The following COL5A2 variants were observed in gnomAD, a reference collection of about 807,000 sequenced individuals.
The protein encoded by COL5A2 is collagen type V alpha 2 chain.
In COL5A2, 23 loss-of-function variants were observed where a neutral mutation model predicts 208.2. The observed-to-expected ratio is 0.11, with a 90% CI of 0.08 to 0.16. COL5A2 has a LOEUF of 0.16. Ranked by LOEUF, COL5A2 falls within the 10% of genes least tolerant of loss-of-function variation. COL5A2 has a pLI of 1.00. For missense variants in COL5A2, 1,590 were observed against 1,956.4 expected, an observed-to-expected ratio of 0.81 and a Z score of 3.53; for synonymous variants, 625 against 628.5, an observed-to-expected ratio of 0.99 and a Z score of 0.08.
intron 51 of COL5A2, among the ~76,000 whole-genome samples, chr2:189,038,196 C>T (rs560523569): frequency 2.0e-5 from 3 of 152,112 alleles, no homozygotes; most frequent in Non-Finnish European, 2.9e-5. Context: ...CACCCTCCCC[C>T]CTGTAGTAGC....
chr2:189,331,046 G>A, the COL5A2 span, among the ~76,000 whole-genome samples: 40 of 152,030 alleles, frequency 2.6e-4, no homozygotes, highest in East Asian at 9.7e-4. Flanking sequence ...ATGAGATTGC[G>A]AAAAATGTGT....
chr2:189,064,430 C>G, intron 25 of COL5A2, 127 bp downstream of exon 25: 1 of 718,064 alleles, frequency 1.4e-6, no homozygotes, highest in Non-Finnish European at 2.4e-6. Context: ...GGATCAAAAC[C>G]ATAAAAACAA....
chr2:189,145,628 T>C (rs1490830766), intron 1 of COL5A2, among the ~76,000 whole-genome samples: 1 of 152,000 alleles, frequency 6.6e-6, no homozygotes, highest in African/African-American at 2.4e-5. Context: ...CTATGGCCAA[T>C]TAATGAGCTG....
At chr2:189,060,604 A>G in intron 31 of COL5A2, 126 bp downstream of exon 31, 1 of 785,320 alleles carries the variant, frequency 1.3e-6, no homozygotes. Context: ...CCTAGTACAT[A>G]GGGCTGCTTT....
At chr2:189,414,617 G>A in the COL5A2 span, among the ~76,000 whole-genome samples, 5 of 151,920 alleles carry the variant, frequency 3.3e-5, no homozygotes, top group Admixed American at 3.3e-4. Context: ...AAGTGCGGTG[G>A]CATGCGCCTA....
the COL5A2 span, among the ~76,000 whole-genome samples, chr2:189,239,941 G>T: frequency 1.3e-5 from 2 of 152,012 alleles, no homozygotes; most frequent in African/African-American, 4.8e-5. Flanking sequence ...ACACATTTCA[G>T]ACTTCTTCCT....
At chr2:189,438,792 T>C in the COL5A2 span, among the ~76,000 whole-genome samples, 3 of 152,200 alleles carry the variant, frequency 2.0e-5, no homozygotes, top group Non-Finnish European at 4.4e-5. Context: ...CAGATTTTAT[T>C]GTATGTAAAT....
intron 17 of COL5A2, among the ~76,000 whole-genome samples, chr2:189,074,101 C>A (rs1185769839): frequency 6.6e-6 from 1 of 152,112 alleles, no homozygotes; most frequent in Non-Finnish European, 1.5e-5. Context: ...TTATAATTTA[C>A]ATTTGATTCT....
intron 1 of COL5A2, among the ~76,000 whole-genome samples, chr2:189,153,892 G>A (rs1404454997): frequency 3.3e-5 from 5 of 151,936 alleles, no homozygotes; most frequent in Admixed American, 2.6e-4. Context: ...CTGGTAAGAC[G>A]CATTTTCCTT....
the COL5A2 span, among the ~76,000 whole-genome samples, chr2:189,296,318 T>C: frequency 1.3e-5 from 2 of 152,330 alleles, no homozygotes; most frequent in East Asian, 3.9e-4. Flanking sequence ...AATTCTCAAA[T>C]TCCGTATCTC....
the COL5A2 span, among the ~76,000 whole-genome samples, chr2:189,260,028 A>G: frequency 6.6e-6 from 1 of 152,216 alleles, no homozygotes; most frequent in African/African-American, 2.4e-5. Context: ...GGAAGAAAGG[A>G]AAATGTTTAT....
intron 1 of COL5A2, among the ~76,000 whole-genome samples, chr2:189,209,740 G>A (rs1164772485): frequency 2.0e-5 from 3 of 152,222 alleles, no homozygotes; most frequent in Non-Finnish European, 2.9e-5. Flanking sequence ...AATTTTGGCT[G>A]AGTAGATGAT....
At chr2:189,086,665 G>T in intron 9 of COL5A2, 61 bp downstream of exon 9, 1 of 1,313,748 alleles carries the variant, frequency 7.6e-7, no homozygotes, top group African/African-American at 1.5e-5. Context: ...GAGACCTTAT[G>T]TAATATATGT....
chr2:189,191,146 A>AAC (rs1421150787), intron 1 of COL5A2, among the ~76,000 whole-genome samples: 2 of 65,544 alleles, frequency 3.1e-5, no homozygotes, highest in Non-Finnish European at 1.1e-4. Flanking sequence ...ACCATAAAAA[A>AAC]AAAAACAAAA....
At chr2:189,272,400 A>C in the COL5A2 span, among the ~76,000 whole-genome samples, 1 of 151,968 alleles carries the variant, frequency 6.6e-6, no homozygotes, top group East Asian at 1.9e-4. Context: ...TCTCATCAAG[A>C]TAACAGAGGA....
At chr2:189,355,576 G>T in the COL5A2 span, among the ~76,000 whole-genome samples, 1 of 152,024 alleles carries the variant, frequency 6.6e-6, no homozygotes, top group African/African-American at 2.4e-5. Context: ...TTTAAAGTCT[G>T]TTTTATCAGA....
At chr2:189,334,255 T>G in the COL5A2 span, among the ~76,000 whole-genome samples, 15 of 151,884 alleles carry the variant, frequency 9.9e-5, no homozygotes, top group Admixed American at 4.6e-4. Flanking sequence ...TCCTAGCCAG[T>G]ACAAAAAATC....
chr2:189,049,563 A>C, intron 43 of COL5A2, 109 bp from the exon 44 acceptor site: 1 of 814,198 alleles, frequency 1.2e-6, no homozygotes, highest in Non-Finnish European at 2.0e-6. Flanking sequence ...CTATAATAAT[A>C]ATTTTGCATT....
rs193055019 is a variant in COL5A2, at chr2:189,156,821, T to C, written c.97+22687A>G. On this transcript the variant is annotated intron_variant, in intron 1 of 53. Transcript: ENST00000374866. ...AAAATAGCTAGCATAAAATCCACTA[T>C]TAATTCACACTAGCGAATATAATAA... 2.5e-3 allele frequency among the ~76,000 whole-genome samples: 374 copies of C among 152,200 alleles called. 12 individuals carry two copies. The highest frequency in any genetic ancestry group is 0.024 in the Admixed American group (368 of 15,270).
Sources: gnomAD v4.1 joint callset for allele counts (sites outside exome capture counted in the v4.1 genomes callset) on GRCh38, gnomAD v4.1.1 for gene constraint, MANE v1.5 for transcripts, NCBI Gene and HGNC (gene_info 2026-07-23, HGNC 2026-07-21) for gene names.